The following DPY19L2 variants were observed in gnomAD, a reference collection of about 807,000 sequenced individuals.
DPY19L2 encodes the protein probable C-mannosyltransferase DPY19L2.
A neutral mutation model predicts 97.9 loss-of-function variants in DPY19L2; 34 were observed. That is an observed-to-expected ratio of 0.35 (90% CI 0.26 to 0.46). DPY19L2 has a LOEUF of 0.46. DPY19L2 is among the 20% of genes least tolerant of loss of function. DPY19L2 has a pLI of 1.00. For missense variants in DPY19L2, 623 were observed against 911.4 expected, an observed-to-expected ratio of 0.68 and a Z score of 4.07; for synonymous variants, 230 against 307.9, an observed-to-expected ratio of 0.75 and a Z score of 2.65.
intron 21 of DPY19L2, among the ~76,000 whole-genome samples, chr12:63,562,989 G>C (rs1190636959): frequency 6.6e-6 from 1 of 152,024 alleles, no homozygotes; most frequent in African/African-American, 2.4e-5. Context: ...TAGAGATGGG[G>C]TTTCGCCATG....
In DPY19L2 at chr12:63,634,321, G is replaced by A. The variant is rs367772469; in HGVS notation, c.804-7795C>T. The stretch of plus-strand genomic sequence containing the variant: ...AATAACATGTAAGATATGAAAGGAT[G>A]GAGAGAGGTTCCAAGATGGCTGAAT... On this transcript the variant is annotated intron_variant, in intron 6 of 21. Coordinates refer to ENST00000324472, the MANE Select transcript of DPY19L2 (RefSeq NM_173812.5). Among the ~76,000 whole-genome samples, 28 of 152,220 alleles carry A rather than the reference G, an allele frequency of 1.8e-4. No individual in the cohort carries two copies. The South Asian group carries it at 4.8e-3, about 26-fold the overall frequency.
intron 16 of DPY19L2, among the ~76,000 whole-genome samples, chr12:63,585,406 T>C (rs1010960104): frequency 5.9e-5 from 9 of 152,072 alleles, no homozygotes; most frequent in African/African-American, 1.9e-4. Flanking sequence ...TTATTCTATG[T>C]CCCTTGTAGC....
chr12:63,647,163 C>G (rs897355902), intron 5 of DPY19L2, 82 bp downstream of exon 5: 1 of 1,079,550 alleles, frequency 9.3e-7, no homozygotes, highest in Non-Finnish European at 1.2e-6. Context: ...CAGAATTTTA[C>G]AATAATTCTT....
chr12:63,668,503 A>C, upstream of DPY19L2: 1 of 1,181,864 alleles, frequency 8.5e-7, no homozygotes, highest in Non-Finnish European at 1.2e-6. Context: ...TTGTCCCCGC[A>C]GCCGTTGCGG....
At chr12:63,629,629 T>G (rs1214555890) in intron 6 of DPY19L2, among the ~76,000 whole-genome samples, 2 of 152,148 alleles carry the variant, frequency 1.3e-5, no homozygotes, top group African/African-American at 2.4e-5. Flanking sequence ...GGAACCAAGT[T>G]GGAAAACACT....
Position 63,647,379 on chromosome 12 carries a change from A to T in DPY19L2, c.589-14T>A, listed in dbSNP as rs1203833456. 2.0e-6 allele frequency: 3 copies of T among 1,476,640 alleles called. No homozygotes were observed. The Admixed American group carries it at 6.0e-5, about 29-fold the overall frequency. The allele number at this position is 1,476,640 out of a possible 1,614,324, so 91.5% of individuals were successfully genotyped here. On this transcript the variant is annotated splice_polypyrimidine_tract_variant and intron_variant, in intron 4 of 21. Transcript: ENST00000324472. The stretch of plus-strand genomic sequence containing the variant: ...GGCTATGATTACCTTAAAAAAGATA[A>T]AAACAAAGAGATAATTGAGGTAAAT...
chr12:63,607,369 T>A (rs1253005398), intron 12 of DPY19L2, among the ~76,000 whole-genome samples: 2 of 152,206 alleles, frequency 1.3e-5, no homozygotes, highest in African/African-American at 4.8e-5. Flanking sequence ...TGTCGATATG[T>A]GAATTTCTAC....
At chr12:63,622,158 C>T (rs1353338281) in intron 8 of DPY19L2, among the ~76,000 whole-genome samples, 1 of 152,058 alleles carries the variant, frequency 6.6e-6, no homozygotes, top group Non-Finnish European at 1.5e-5. Flanking sequence ...TTACTTTTGA[C>T]TAAGACACAG....
At chr12:63,644,643 CCCTTAT>C in intron 5 of DPY19L2, 147 bp from the exon 6 acceptor site, 1 of 1,291,912 alleles carries the variant, frequency 7.7e-7, no homozygotes, top group Non-Finnish European at 1.0e-6. Context: ...TAATTATTTA[CCCTTAT>C]AAGAGTTTGT....
At chr12:63,574,627 C>T (rs966822792) in intron 19 of DPY19L2, among the ~76,000 whole-genome samples, 7 of 151,616 alleles carry the variant, frequency 4.6e-5, no homozygotes, top group African/African-American at 1.5e-4. Flanking sequence ...TATTCCATGC[C>T]GATGGAAACC....
intron 19 of DPY19L2, among the ~76,000 whole-genome samples, chr12:63,579,913 A>G (rs1162493511): frequency 1.3e-5 from 2 of 152,158 alleles, no homozygotes; most frequent in Non-Finnish European, 2.9e-5. Context: ...GAAAATTTAA[A>G]TAAATCATAG....
chr12:63,594,463 T>TTGTG lies in DPY19L2; in HGVS notation c.1534-331_1534-330insCACA, dbSNP rs770320993. Among the ~76,000 whole-genome samples, 561 of 71,188 alleles carry TTGTG rather than the reference T, an allele frequency of 7.9e-3. 5 individuals carry two copies. The highest frequency in any genetic ancestry group is 0.032 in the African/African-American group (469 of 14,756). 46.7% of individuals were successfully genotyped at this position (71,188 alleles called of 152,430 possible). A position where few individuals can be genotyped will look rare whatever the true frequency, so the allele number is the denominator to read the frequency against. ...GCTGCAGGGATGAGAGAGAGAGAGATAGTGTGTGTGTGTGTGTGTGTGTGT... is the reference window on the plus strand; with the variant it reads ...GCTGCAGGGATGAGAGAGAGAGAGATTGTGAGTGTGTGTGTGTGTGTGTGTGTGT... On this transcript the variant is annotated intron_variant, in intron 15 of 21. Coordinates refer to ENST00000324472, the MANE Select transcript of DPY19L2 (RefSeq NM_173812.5).
At chr12:63,665,778 G>A (rs1896264288) in intron 2 of DPY19L2, 57 bp downstream of exon 2, 1 of 1,382,994 alleles carries the variant, frequency 7.2e-7, no homozygotes, top group East Asian at 2.5e-5. Flanking sequence ...TGCAAAGAGT[G>A]ATGGCAATTT....
intron 6 of DPY19L2, among the ~76,000 whole-genome samples, chr12:63,638,759 G>A (rs529661398): frequency 3.3e-4 from 50 of 152,212 alleles, no homozygotes; most frequent in Admixed American, 5.2e-4. Flanking sequence ...GATCAATATC[G>A]TGAAAATTGC....
intron 21 of DPY19L2, among the ~76,000 whole-genome samples, chr12:63,568,952 T>C (rs1455714210): frequency 6.6e-6 from 1 of 151,986 alleles, no homozygotes; most frequent in Non-Finnish European, 1.5e-5. Flanking sequence ...AAAATTTTCA[T>C]AAATATTTCA....
rs2137226229 is a variant in DPY19L2, at chr12:63,560,124, T to A, written c.*388A>T. The A allele has an allele frequency of 6.1e-6, 1 of 162,984 alleles. No homozygotes were observed. 10.1% of individuals were successfully genotyped at this position (162,984 alleles called of 1,614,324 possible). On this transcript the variant is annotated 3_prime_UTR_variant, in exon 22 of 22. Transcript: ENST00000324472. Reference sequence around the variant, plus strand: ...CTTGCATTCTTCTGCCTTAAGTGGTTCAAAGAGTTTGAGGAGGTACCCTCT... The same window carrying A: ...CTTGCATTCTTCTGCCTTAAGTGGTACAAAGAGTTTGAGGAGGTACCCTCT...
intron 16 of DPY19L2, among the ~76,000 whole-genome samples, chr12:63,587,937 T>C (rs1261386473): frequency 1.3e-5 from 2 of 152,094 alleles, no homozygotes; most frequent in East Asian, 3.9e-4. Context: ...AAAACTCAAA[T>C]CACAGACTAC....
intron 6 of DPY19L2, among the ~76,000 whole-genome samples, chr12:63,644,066 G>A (rs1023491936): frequency 4.6e-5 from 7 of 152,102 alleles, no homozygotes; most frequent in African/African-American, 1.7e-4. Context: ...CATCCTTAGA[G>A]AATACAATTA....
intron 12 of DPY19L2, among the ~76,000 whole-genome samples, chr12:63,602,676 G>C (rs1403770399): frequency 1.3e-5 from 2 of 151,996 alleles, no homozygotes. Flanking sequence ...TAATTTATAA[G>C]GGACAGAAGA....
Sources: gnomAD v4.1 joint callset for allele counts (sites outside exome capture counted in the v4.1 genomes callset) on GRCh38, gnomAD v4.1.1 for gene constraint, MANE v1.5 for transcripts, NCBI Gene and HGNC (gene_info 2026-07-23, HGNC 2026-07-21) for gene names.